ASTN2: variants seen among roughly 807,000 people sequenced by gnomAD.
ASTN2 encodes astrotactin 2, also known as astrotactin-2.
ASTN2 carries 54 observed loss-of-function variants against 139.8 expected under a neutral mutation model. The ratio of observed to expected loss-of-function variants is 0.39; its 90% CI spans 0.31 to 0.48. The LOEUF (loss-of-function observed/expected upper bound fraction) is 0.48, where lower values mean the gene tolerates loss of function less well. Among genes scored for constraint, ASTN2 ranks in the 20% least tolerant of loss-of-function variants. The pLI is 0.95. For missense variants in ASTN2, 1,565 were observed against 1,725.1 expected (o/e 0.91, Z 1.64); for synonymous variants, 756 against 719.5 (o/e 1.05, Z -0.81).
rs564081724 is a variant in ASTN2, at chr9:116,773,499, C to T, written c.2396+32133G>A. On this transcript the variant is annotated intron_variant, in intron 13 of 22. Transcript: ENST00000313400. ...TTAATAACAGGAAAGGCAGATGGAA[C>T]CATGCCTCCTTCATAAGGGAGAACC... Among the ~76,000 whole-genome samples, 345 of 152,244 alleles carry T rather than the reference C, an allele frequency of 2.3e-3. 2 individuals are homozygous for T. Among genetic ancestry groups the T allele is most frequent in the African/African-American group, 5.6e-3 (232 of 41,558 alleles).
intron 20 of ASTN2, among the ~76,000 whole-genome samples, chr9:116,444,688 G>T (rs1847933644): frequency 6.6e-6 from 1 of 152,106 alleles, no homozygotes; most frequent in Non-Finnish European, 1.5e-5. Context: ...CAGAGGAAGG[G>T]GCCCGGTCTT....
rs549790875 is a variant in ASTN2 at position 116,783,561 on chromosome 9, A to G, written c.2396+22071T>C. On this transcript the variant is annotated intron_variant, in intron 13 of 22. Coordinates refer to ENST00000313400, the MANE Select transcript of ASTN2 (RefSeq NM_001365068.1). ...GTATATTATTAATATATATCCAACT[A>G]TTCAGTGAGGTAGTTAATATGTTCA... Among the ~76,000 whole-genome samples, 95 of 152,246 alleles carry G rather than the reference A, an allele frequency of 6.2e-4. No individual in the cohort carries two copies. In the South Asian group the frequency reaches 0.012, roughly 20 times the overall value.
At chr9:116,974,506 CT>C (rs3038410) in intron 10 of ASTN2, among the ~76,000 whole-genome samples, 1,988 of 110,888 alleles carry the variant, frequency 0.018, 19 homozygotes, top group African/African-American at 0.058. Flanking sequence ...TTAGCCTGGA[CT>C]TTTTTTTTTT....
At position 117,052,450 on chromosome 9, in the gene ASTN2, AAG is replaced by A. The variant is rs1491046855; in HGVS notation, c.1277-12487_1277-12486del. 9.2e-5 allele frequency among the ~76,000 whole-genome samples: 14 copies of A among 151,536 alleles called. No individual in the cohort carries two copies. In the South Asian group the frequency reaches 2.5e-3, roughly 27 times the overall value. On this transcript the variant is annotated intron_variant, in intron 5 of 22. Transcript: ENST00000313400. ...ACTCCATCTTAAAAAAAAAAAAAAA[AAG>A]AAAGAAAGATTAAATAATTAAATAG...
intron 6 of ASTN2, among the ~76,000 whole-genome samples, chr9:117,034,803 T>C (rs932090858): frequency 1.4e-4 from 21 of 152,092 alleles, no homozygotes; most frequent in African/African-American, 5.1e-4. Flanking sequence ...CAGTGTGTGC[T>C]TAGGAGGGCA....
chr9:117,317,340 C>T (rs1587941691), intron 1 of ASTN2, among the ~76,000 whole-genome samples: 2 of 152,260 alleles, frequency 1.3e-5, no homozygotes, highest in African/African-American at 4.8e-5. Context: ...TCTGTAGACC[C>T]CTCAAATGAC....
chr9:116,844,781 A>G (rs1173930213), intron 11 of ASTN2, among the ~76,000 whole-genome samples: 1 of 152,160 alleles, frequency 6.6e-6, no homozygotes, highest in Non-Finnish European at 1.5e-5. Flanking sequence ...TTTTGGCTTG[A>G]GTTCCAATGA....
intron 19 of ASTN2, among the ~76,000 whole-genome samples, chr9:116,592,806 C>A (rs949999259): frequency 2.0e-5 from 3 of 152,178 alleles, no homozygotes; most frequent in African/African-American, 7.2e-5. Context: ...AGATGGGAAT[C>A]TCAAGATCAC....
At chr9:116,578,077 AC>A (rs1853795286) in intron 19 of ASTN2, among the ~76,000 whole-genome samples, 1 of 152,174 alleles carries the variant, frequency 6.6e-6, no homozygotes, top group Non-Finnish European at 1.5e-5. Flanking sequence ...TTCTCTGACT[AC>A]AGAGTGGAAA....
At chr9:116,898,502 C>G (rs1232900166) in intron 10 of ASTN2, among the ~76,000 whole-genome samples, 1 of 152,056 alleles carries the variant, frequency 6.6e-6, no homozygotes, top group Non-Finnish European at 1.5e-5. Context: ...TTCACTTCTT[C>G]AGTTCCAAGA....
At chr9:117,363,545 C>G (rs1438306141) in intron 1 of ASTN2, among the ~76,000 whole-genome samples, 1 of 152,096 alleles carries the variant, frequency 6.6e-6, no homozygotes, top group Non-Finnish European at 1.5e-5. Context: ...GATTGCAGTA[C>G]AGAGGAGAAC....
intron 7 of ASTN2, among the ~76,000 whole-genome samples, chr9:116,981,832 T>C (rs1564369972): frequency 6.6e-6 from 1 of 152,108 alleles, no homozygotes; most frequent in East Asian, 1.9e-4. Context: ...AATGGAGACC[T>C]AAAAAAAAGA....
intron 12 of ASTN2, among the ~76,000 whole-genome samples, chr9:116,815,261 G>T (rs1831277799): frequency 6.6e-6 from 1 of 152,148 alleles, no homozygotes; most frequent in African/African-American, 2.4e-5. Context: ...TATTAAACAT[G>T]TTTATCTCCT....
intron 10 of ASTN2, among the ~76,000 whole-genome samples, chr9:116,924,118 G>C (rs1355815992): frequency 1.3e-5 from 2 of 151,954 alleles, no homozygotes; most frequent in African/African-American, 4.8e-5. Flanking sequence ...ATAAAAAATG[G>C]CTACTCCAGG....
intron 13 of ASTN2, among the ~76,000 whole-genome samples, chr9:116,791,286 A>T (rs1249717554): frequency 6.6e-6 from 1 of 152,238 alleles, no homozygotes; most frequent in African/African-American, 2.4e-5. Context: ...TCATCATCTT[A>T]TTCCCTCTTA....
intron 1 of ASTN2, among the ~76,000 whole-genome samples, chr9:117,334,610 C>T (rs548317376): frequency 2.6e-4 from 39 of 152,086 alleles, no homozygotes; most frequent in African/African-American, 9.4e-4. Flanking sequence ...CTGCTAAATG[C>T]CTTTTACACA....
chr9:116,826,116 T>A (rs1353481662), intron 11 of ASTN2, among the ~76,000 whole-genome samples: 1 of 152,200 alleles, frequency 6.6e-6, no homozygotes, highest in Non-Finnish European at 1.5e-5. Flanking sequence ...TTTTGACAGT[T>A]TAATGCTGAG....
intron 4 of ASTN2, among the ~76,000 whole-genome samples, chr9:117,137,523 T>C (rs1829981308): frequency 6.6e-6 from 1 of 152,192 alleles, no homozygotes; most frequent in African/African-American, 2.4e-5. Flanking sequence ...TAGATGCTTC[T>C]GTTCAGCAAG....
intron 2 of ASTN2, among the ~76,000 whole-genome samples, chr9:117,280,980 A>G (rs762732008): frequency 2.6e-5 from 4 of 152,168 alleles, no homozygotes; most frequent in Non-Finnish European, 5.9e-5. Flanking sequence ...TTCTACATTT[A>G]TTAACTGGAA....
Sources: gnomAD v4.1 joint callset for allele counts (sites outside exome capture counted in the v4.1 genomes callset) on GRCh38, gnomAD v4.1.1 for gene constraint, MANE v1.5 for transcripts, NCBI Gene and HGNC (gene_info 2026-07-23, HGNC 2026-07-21) for gene names.